NCOA2: variants seen among roughly 807,000 people sequenced by gnomAD.
NCOA2 encodes nuclear receptor coactivator 2, also known as class E basic helix-loop-helix protein 75.
NCOA2 carries 21 observed loss-of-function variants against 145.1 expected under a neutral mutation model. The observed-to-expected ratio is 0.14, with a 90% CI of 0.10 to 0.21. The LOEUF is 0.21. NCOA2 is among the 10% of genes least tolerant of loss of function. The pLI is 1.00. For synonymous variants in NCOA2, 619 were observed against 637.5 expected, an observed-to-expected ratio of 0.97 and a Z score of 0.44; for missense variants, 1,472 against 1,837.6, an observed-to-expected ratio of 0.80 and a Z score of 3.64.
intron 2 of NCOA2, among the ~76,000 whole-genome samples, chr8:70,287,900 G>C (rs749083925): frequency 3.3e-5 from 5 of 152,072 alleles, no homozygotes; most frequent in Non-Finnish European, 7.4e-5. Flanking sequence ...AAAATTACTA[G>C]TTAATTCTTT....
At chr8:70,276,775 A>T (rs1260840645) in intron 2 of NCOA2, among the ~76,000 whole-genome samples, 1 of 152,202 alleles carries the variant, frequency 6.6e-6, no homozygotes, top group Non-Finnish European at 1.5e-5. Flanking sequence ...GTATTTCTTC[A>T]TAGCAGCGTG....
At chr8:70,164,549 G>A (rs142354753) in intron 7 of NCOA2, among the ~76,000 whole-genome samples, 135 of 152,124 alleles carry the variant, frequency 8.9e-4, no homozygotes, top group East Asian at 3.7e-3. Flanking sequence ...GCTGTAAGGC[G>A]GAGGTCCTCT....
the NCOA2 span, among the ~76,000 whole-genome samples, chr8:70,444,643 C>G: frequency 6.6e-6 from 1 of 152,112 alleles, no homozygotes; most frequent in Non-Finnish European, 1.5e-5. Context: ...TATGGGATCT[C>G]CCCACATTAT....
chr8:70,379,001 T>G (rs1349958265), intron 1 of NCOA2, among the ~76,000 whole-genome samples: 1 of 152,172 alleles, frequency 6.6e-6, no homozygotes, highest in Non-Finnish European at 1.5e-5. Context: ...AGCCATACCC[T>G]TAATCTCTAT....
chr8:70,150,892 T>C (rs903924035), intron 11 of NCOA2, among the ~76,000 whole-genome samples: 1 of 152,204 alleles, frequency 6.6e-6, no homozygotes, highest in African/African-American at 2.4e-5. Flanking sequence ...TTTCCATTAC[T>C]TTTTCAGAAA....
At chr8:70,146,509 A>C (rs977203514) in intron 12 of NCOA2, among the ~76,000 whole-genome samples, 9 of 152,218 alleles carry the variant, frequency 5.9e-5, no homozygotes, top group Non-Finnish European at 2.9e-5. Flanking sequence ...GAAATAAAAT[A>C]TTTTAAAAAA....
the NCOA2 span, among the ~76,000 whole-genome samples, chr8:70,416,315 AAAC>A: frequency 6.6e-6 from 1 of 152,100 alleles, no homozygotes. Context: ...GTGTTTGGCC[AAAC>A]AACTGGGCAC....
At chr8:70,267,051 C>T (rs999002336) in intron 2 of NCOA2, among the ~76,000 whole-genome samples, 2 of 152,150 alleles carry the variant, frequency 1.3e-5, no homozygotes, top group African/African-American at 4.8e-5. Context: ...GAACTTTGAA[C>T]AATTACAGCA....
intron 2 of NCOA2, among the ~76,000 whole-genome samples, chr8:70,237,351 T>C (rs1253156968): frequency 6.6e-5 from 10 of 152,194 alleles, no homozygotes; most frequent in Admixed American, 1.3e-4. Context: ...GCCTCATTAT[T>C]TGATGCACTG....
rs1358849019 is a variant in NCOA2 at position 70,156,191 on chromosome 8, C to T, written c.2174G>A (p.Gly725Glu). The change falls in exon 11 of 23, where the codon GGA becomes GAA. Residue 725 changes from glycine to glutamate, a missense_variant. Gly to Glu is a moderately conservative substitution (Grantham distance 98). This residue lies in a region of NCOA2 where 953 missense variants were observed against 1,062.1 expected (regional missense o/e 0.90). Coordinates refer to ENST00000452400, the MANE Select transcript of NCOA2 (RefSeq NM_006540.4). ...CTCTTGTTTAATAGTCACTTCTGAT[C>T]CAGGAGCTGTGCTGCTGGACTCCTG... ...LSQESSSTAP[G>E]SEVTIKQEPV... The T allele has an allele frequency of 6.2e-7, 1 of 1,613,916 alleles. No homozygotes were observed. The highest frequency in any genetic ancestry group is 2.2e-5 in the East Asian group (1 of 44,878).
intron 1 of NCOA2, among the ~76,000 whole-genome samples, chr8:70,380,176 G>A (rs1344687598): frequency 6.6e-6 from 1 of 152,140 alleles, no homozygotes. Context: ...CCTAAAGAAT[G>A]AATAATTAAT....
chr8:70,231,386 G>A (rs548125828), intron 2 of NCOA2, among the ~76,000 whole-genome samples: 22 of 152,322 alleles, frequency 1.4e-4, no homozygotes, highest in African/African-American at 5.1e-4. Flanking sequence ...AATATGTTGA[G>A]GTCAGCTAGG....
intron 1 of NCOA2, among the ~76,000 whole-genome samples, chr8:70,396,138 G>T (rs1373833187): frequency 6.6e-6 from 1 of 152,178 alleles, no homozygotes; most frequent in Non-Finnish European, 1.5e-5. Flanking sequence ...CAAAACATCT[G>T]CAAAACATGC....
At chr8:70,361,943 A>G (rs1810239209) in intron 1 of NCOA2, among the ~76,000 whole-genome samples, 1 of 152,250 alleles carries the variant, frequency 6.6e-6, no homozygotes, top group Non-Finnish European at 1.5e-5. Flanking sequence ...ACAGGAACAT[A>G]TCTAGTTTTG....
intron 1 of NCOA2, among the ~76,000 whole-genome samples, chr8:70,335,056 G>C (rs1807445487): frequency 6.8e-6 from 1 of 146,948 alleles, no homozygotes; most frequent in Admixed American, 6.9e-5. Context: ...CTGGGAGGTG[G>C]AGGTTGCAGT....
At chr8:70,388,769 GCACACACA>G (rs144931461) in intron 1 of NCOA2, among the ~76,000 whole-genome samples, 20 of 151,370 alleles carry the variant, frequency 1.3e-4, no homozygotes, top group African/African-American at 4.8e-4. Context: ...AAGCACACAC[GCACACACA>G]CACACGCAGA....
chr8:70,133,677 A>G (rs1809417863), intron 15 of NCOA2, among the ~76,000 whole-genome samples: 1 of 152,178 alleles, frequency 6.6e-6, no homozygotes, highest in Admixed American at 6.5e-5. Context: ...AACAAACAAA[A>G]AGTTTATAGA....
intron 2 of NCOA2, among the ~76,000 whole-genome samples, chr8:70,247,832 C>G (rs1056182858): frequency 6.6e-6 from 1 of 152,214 alleles, no homozygotes; most frequent in African/African-American, 2.4e-5. Context: ...TCAATCGCAG[C>G]TAAGATAATG....
chr8:70,271,720 G>C (rs529118175), intron 2 of NCOA2, among the ~76,000 whole-genome samples: 1 of 152,228 alleles, frequency 6.6e-6, no homozygotes, highest in Non-Finnish European at 1.5e-5. Flanking sequence ...GGTCCTGCAC[G>C]ACTGAGATAG....
Sources: allele counts gnomAD v4.1 joint callset (sites outside exome capture counted in the v4.1 genomes callset), GRCh38; gene constraint gnomAD v4.1.1; regional missense constraint gnomAD v4.1.1; transcripts MANE v1.5; gene names NCBI Gene and HGNC (gene_info 2026-07-23, HGNC 2026-07-21).